Variants in STRADA observed in about 807,000 individuals in gnomAD.
The protein encoded by STRADA is STE20-related kinase adapter protein alpha.
In STRADA, 26 loss-of-function variants were observed where a neutral mutation model predicts 55.0. The observed-to-expected ratio is 0.47, with a 90% CI of 0.35 to 0.66. STRADA has a LOEUF of 0.66. STRADA is among the 30% of genes least tolerant of loss of function. The pLI is 0.01. For missense variants in STRADA, 443 were observed against 549.7 expected (o/e 0.81, Z 1.94); for synonymous variants, 197 against 210.9 (o/e 0.93, Z 0.57).
chr17:63,738,340 C>CAAAAAAA (rs561180973), intron 1 of STRADA, among the ~76,000 whole-genome samples: 1 of 76,786 alleles, frequency 1.3e-5, no homozygotes. Context: ...GACTCCGACT[C>CAAAAAAA]AAAAAAAAAA....
chr17:63,738,591 GCT>G (rs1282613755), intron 1 of STRADA, among the ~76,000 whole-genome samples: 4 of 152,088 alleles, frequency 2.6e-5, no homozygotes, highest in African/African-American at 9.7e-5. Context: ...AGGCCCAGTG[GCT>G]CTGCCTGTAA....
intron 4 of STRADA, among the ~76,000 whole-genome samples, chr17:63,714,936 G>C (rs997628400): frequency 1.3e-5 from 2 of 152,212 alleles, no homozygotes; most frequent in African/African-American, 4.8e-5. Context: ...GTATGATTTA[G>C]GGACTGTGAC....
At position 63,729,485 on chromosome 17, in the gene STRADA, T is replaced by C. The variant is rs149925095; in HGVS notation, c.-44-1072A>G. 5.5e-3 allele frequency among the ~76,000 whole-genome samples: 834 copies of C among 152,176 alleles called. 6 individuals carry two copies. The highest frequency in any genetic ancestry group is 0.018 in the African/African-American group (745 of 41,530). On this transcript the variant is annotated intron_variant, in intron 1 of 12. Coordinates refer to ENST00000336174, the MANE Select transcript of STRADA (RefSeq NM_001003787.4). ...AAATATGGTTCAGAGCTGAGGCAAATAGAAATAACTATGTCTCAGCCAGGC... is the reference window on the plus strand; with the variant it reads ...AAATATGGTTCAGAGCTGAGGCAAACAGAAATAACTATGTCTCAGCCAGGC...
intron 1 of STRADA, among the ~76,000 whole-genome samples, chr17:63,738,192 T>C (rs2038589229): frequency 6.7e-6 from 1 of 150,014 alleles, no homozygotes; most frequent in Non-Finnish European, 1.5e-5. Flanking sequence ...AATACAAAAA[T>C]TAGCCGGGCA....
chr17:63,727,745 T>C (rs1423483006), intron 2 of STRADA: 2 of 152,258 alleles, frequency 1.3e-5, no homozygotes, highest in Admixed American at 1.3e-4. Flanking sequence ...ATAGCACTTA[T>C]ACACTGTTAC....
rs759255215 is a variant in STRADA at position 63,704,544 on chromosome 17, C to A, written c.897G>T (p.Leu299=). ...LEKLNGTVPC[L]LDTSTIPAEE... is the part of the protein sequence containing the mutation. ...CAGCGGGGATGGTGCTGGTATCCAA[C>A]AGGCAGGGCACTGTGCCGTTCAGTT... Residue 299 remains leucine (L), a synonymous_variant, in exon 11 of 13, where the codon CTG becomes CTT. Coordinates refer to ENST00000336174, the MANE Select transcript of STRADA (RefSeq NM_001003787.4). 2 of 1,557,044 alleles carry A rather than the reference C, an allele frequency of 1.3e-6. No homozygotes were observed. Among genetic ancestry groups the A allele is most frequent in the East Asian group, 2.4e-5 (1 of 41,810 alleles).
At chr17:63,707,493 C>T in intron 8 of STRADA, 75 bp from the exon 9 acceptor site, 1 of 1,438,832 alleles carries the variant, frequency 7.0e-7, no homozygotes, top group Non-Finnish European at 9.7e-7. Flanking sequence ...TCACACACTC[C>T]ACCTGGCCAG....
chr17:63,739,377 A>G (rs1007530470), intron 1 of STRADA, among the ~76,000 whole-genome samples: 3 of 152,080 alleles, frequency 2.0e-5, no homozygotes, highest in Admixed American at 2.0e-4. Flanking sequence ...TTTCAGATTG[A>G]ATCATGTACA....
chr17:63,724,504 C>T (rs949084202), intron 3 of STRADA, among the ~76,000 whole-genome samples: 12 of 150,440 alleles, frequency 8.0e-5, no homozygotes, highest in Admixed American at 4.0e-4. Context: ...TGCAGTGGCA[C>T]GATCTTGGCA....
chr17:63,721,095 T>G (rs1343823236), intron 4 of STRADA, among the ~76,000 whole-genome samples: 1 of 129,216 alleles, frequency 7.7e-6, no homozygotes, highest in Admixed American at 7.6e-5. Context: ...AAGCTCCGGC[T>G]GGGCGTGGTG....
At chr17:63,718,018 C>G (rs1735212205) in intron 4 of STRADA, among the ~76,000 whole-genome samples, 1 of 152,136 alleles carries the variant, frequency 6.6e-6, no homozygotes, top group South Asian at 2.1e-4. Context: ...TCACTGCAAC[C>G]TCAATCTCCC....
At chr17:63,713,381 A>G (rs766770933) in intron 6 of STRADA, 25 bp downstream of exon 6, 37 of 1,610,078 alleles carry the variant, frequency 2.3e-5, no homozygotes, top group Non-Finnish European at 2.5e-5. Context: ...CCCTCCCTCC[A>G]TGTGACACAC....
intron 2 of STRADA, chr17:63,727,580 T>TTCTGCCA (rs1175970651): frequency 6.6e-6 from 1 of 152,242 alleles, no homozygotes; most frequent in African/African-American, 2.4e-5. Flanking sequence ...GAATTGGAAC[T>TTCTGCCA]ATAGCATCTT....
In STRADA at chr17:63,704,867, C is replaced by T. The variant is rs1019885456; in HGVS notation, c.859-285G>A. Reference sequence around the variant, plus strand: ...GCAGGGCTCACAGTTTCCGCTCTCCCTTTCCAAGGCATCAAATTCCTTTTA... The same window carrying T: ...GCAGGGCTCACAGTTTCCGCTCTCCTTTTCCAAGGCATCAAATTCCTTTTA... On this transcript the variant is annotated intron_variant, in intron 10 of 12. Transcript: ENST00000336174. 3.6e-5 allele frequency: 55 copies of T among 1,535,954 alleles called. 1 individual carries two copies. The African/African-American group carries it at 5.3e-4, about 15-fold the overall frequency.
chr17:63,704,070 A>C (rs1462322384), intron 11 of STRADA, 23 bp from the exon 12 acceptor site: 1 of 1,610,000 alleles, frequency 6.2e-7, no homozygotes, highest in Non-Finnish European at 8.5e-7. Context: ...GGGAGGAGAG[A>C]CCGCAGCATC....
At chr17:63,733,278 C>T (rs1954134052) in intron 1 of STRADA, among the ~76,000 whole-genome samples, 1 of 152,134 alleles carries the variant, frequency 6.6e-6, no homozygotes, top group African/African-American at 2.4e-5. Context: ...ATGTTCACTA[C>T]TAAATGTTTA....
chr17:63,714,934 TAG>T, intron 4 of STRADA, among the ~76,000 whole-genome samples: 1 of 152,266 alleles, frequency 6.6e-6, no homozygotes, highest in East Asian at 1.9e-4. Flanking sequence ...GTGTATGATT[TAG>T]GGACTGTGAC....
chr17:63,728,483 A>G, intron 1 of STRADA, 70 bp from the exon 2 acceptor site: 1 of 821,302 alleles, frequency 1.2e-6, no homozygotes, highest in Non-Finnish European at 1.9e-6. Flanking sequence ...CTGATTAACA[A>G]AAACTTATTA....
chr17:63,722,852 T>A (rs2037403955), intron 4 of STRADA, among the ~76,000 whole-genome samples: 1 of 152,190 alleles, frequency 6.6e-6, no homozygotes, highest in Non-Finnish European at 1.5e-5. Context: ...TTGCTTTTGT[T>A]TTTTAAGGTA....
Sources: allele counts gnomAD v4.1 joint callset (sites outside exome capture counted in the v4.1 genomes callset), GRCh38; gene constraint gnomAD v4.1.1; transcripts MANE v1.5; gene names NCBI Gene and HGNC (gene_info 2026-07-23, HGNC 2026-07-21).